ZFHX3: variants seen among roughly 807,000 people sequenced by gnomAD.
ZFHX3 encodes zinc finger homeobox 3, also known as zinc finger homeobox protein 3.
ZFHX3 carries 42 observed loss-of-function variants against 279.1 expected under a neutral mutation model. The observed-to-expected ratio is 0.15, with a 90% CI of 0.12 to 0.19. The LOEUF (loss-of-function observed/expected upper bound fraction) is 0.19. Among genes scored for constraint, ZFHX3 ranks in the 10% least tolerant of loss-of-function variants. The pLI, the probability that ZFHX3 is intolerant of heterozygous loss-of-function variation, is 1.00. For missense variants in ZFHX3, 4,981 were observed against 4,754.0 expected, an observed-to-expected ratio of 1.05 and a Z score of -1.40; for synonymous variants, 2,293 against 1,957.8, an observed-to-expected ratio of 1.17 and a Z score of -4.52.
At chr16:73,478,363 A>T (rs903022076) in intron 2 of ZFHX3, among the ~76,000 whole-genome samples, 3 of 151,902 alleles carry the variant, frequency 2.0e-5, no homozygotes, top group Admixed American at 1.3e-4. Context: ...TAAAAGTCTG[A>T]TGCTCTACCA....
chr16:73,730,960 C>T (rs1479991812), intron 1 of ZFHX3, among the ~76,000 whole-genome samples: 4 of 152,006 alleles, frequency 2.6e-5, no homozygotes, highest in Admixed American at 6.6e-5. Flanking sequence ...GAAAGACAGC[C>T]GAGGAGGAAG....
intron 1 of ZFHX3, among the ~76,000 whole-genome samples, chr16:72,965,827 TG>T (rs1470010878): frequency 6.6e-6 from 1 of 152,172 alleles, no homozygotes; most frequent in African/African-American, 2.4e-5. Context: ...TTCAAGTTGC[TG>T]GAAAAGAATT....
At chr16:73,633,492 G>A (rs916928333) in intron 2 of ZFHX3, among the ~76,000 whole-genome samples, 1 of 152,216 alleles carries the variant, frequency 6.6e-6, no homozygotes, top group Non-Finnish European at 1.5e-5. Flanking sequence ...GCAGGAAAGT[G>A]AGGGGGCAAT....
At chr16:73,395,778 G>A (rs2017115036) in intron 3 of ZFHX3, among the ~76,000 whole-genome samples, 1 of 152,058 alleles carries the variant, frequency 6.6e-6, no homozygotes, top group East Asian at 1.9e-4. Context: ...GCTTGGAACA[G>A]GGGCCCTGAT....
intron 1 of ZFHX3, among the ~76,000 whole-genome samples, chr16:72,974,666 C>A (rs1962269131): frequency 6.6e-6 from 1 of 152,030 alleles, no homozygotes; most frequent in South Asian, 2.1e-4. Flanking sequence ...GCATAAAGAG[C>A]TTTTCAAGCA....
intron 1 of ZFHX3, among the ~76,000 whole-genome samples, chr16:73,731,326 A>T (rs900602443): frequency 1.3e-5 from 2 of 152,188 alleles, no homozygotes; most frequent in Non-Finnish European, 2.9e-5. Context: ...AGTCAAAAGC[A>T]CTGTGTATGC....
intron 7 of ZFHX3, among the ~76,000 whole-genome samples, chr16:73,098,170 C>T (rs559490020): frequency 1.6e-4 from 24 of 148,806 alleles, no homozygotes; most frequent in Non-Finnish European, 2.8e-4. Flanking sequence ...TGGGTTCAAG[C>T]GATTCTCCTG....
chr16:73,497,901 T>G (rs913451381), intron 2 of ZFHX3, among the ~76,000 whole-genome samples: 3 of 152,224 alleles, frequency 2.0e-5, no homozygotes, highest in Non-Finnish European at 4.4e-5. Flanking sequence ...GAGCTTAAAT[T>G]GCTTATCCTA....
In ZFHX3 at chr16:73,754,778, A is replaced by T. The variant is rs934907345; in HGVS notation, c.-1607-74538T>A. Among the ~76,000 whole-genome samples, 15 of 152,196 alleles carry T rather than the reference A, an allele frequency of 9.9e-5. 1 individual carries two copies. The highest frequency in any genetic ancestry group is 3.6e-4 in the African/African-American group (15 of 41,442). ...ATGAAGAAAAAAAAAGGAGAGATTA[A>T]TGACAGAGGGTTTTTTAAAATGACA... is the stretch of plus-strand genomic sequence containing the variant. On this transcript the variant is annotated intron_variant, in intron 1 of 17. Coordinates refer to the ZFHX3 transcript ENST00000641206.
rs548459627 is a variant in ZFHX3 at position 73,168,619 on chromosome 16, C to A, written c.-1103-24788G>T. ...TTCTACTGAGCCCAAATTCTCTTCTCTCCATTCTCTCCAAACCCACATTGT... is the reference window on the plus strand; with the variant it reads ...TTCTACTGAGCCCAAATTCTCTTCTATCCATTCTCTCCAAACCCACATTGT... On this transcript the variant is annotated intron_variant, in intron 5 of 17. Coordinates refer to the ZFHX3 transcript ENST00000641206. Among the ~76,000 whole-genome samples, 18 of 152,276 alleles carry A rather than the reference C, an allele frequency of 1.2e-4. No individual in the cohort carries two copies. The South Asian group carries it at 3.7e-3, about 32-fold the overall frequency.
intron 2 of ZFHX3, among the ~76,000 whole-genome samples, chr16:73,621,830 G>A (rs2052366808): frequency 6.6e-6 from 1 of 152,118 alleles, no homozygotes; most frequent in Non-Finnish European, 1.5e-5. Flanking sequence ...AACAGCTTAG[G>A]AGTTTCAAAC....
Position 72,959,320 on chromosome 16 carries a change from C to T in ZFHX3, c.826G>A (p.Gly276Ser). ...LSKFDGFVLY[G>S]KRKPILMCFL... ...CACATCAGGATGGGCTTCCTCTTGC[C>T]ATAGAGCACAAAGCCATCGAATTTG... The change falls in exon 2 of 10, where the codon GGC becomes AGC. Residue 276 changes from glycine (G) to serine (S), a missense_variant. Gly to Ser is a moderately conservative substitution (Grantham distance 56, BLOSUM62 0). This residue lies in a region of ZFHX3 where 1,068 missense variants were observed against 935.2 expected (regional missense o/e 1.14). Coordinates refer to ENST00000268489, the MANE Select transcript of ZFHX3 (RefSeq NM_006885.4). 6.2e-7 allele frequency: 1 copy of T among 1,614,234 alleles called. No homozygotes were observed. The highest frequency in any genetic ancestry group is 8.5e-7 in the Non-Finnish European group (1 of 1,180,044).
chr16:73,168,603 G>C (rs574195001), intron 5 of ZFHX3, among the ~76,000 whole-genome samples: 2 of 152,132 alleles, frequency 1.3e-5, no homozygotes, highest in South Asian at 4.1e-4. Context: ...GTTCTACTGA[G>C]CCCAAATTCT....
chr16:73,718,370 C>T (rs1014704334), intron 1 of ZFHX3, among the ~76,000 whole-genome samples: 3 of 151,904 alleles, frequency 2.0e-5, no homozygotes, highest in Admixed American at 6.5e-5. Flanking sequence ...AAGATCTTGC[C>T]ATCACACTCC....
At position 72,950,532 on chromosome 16, in the gene ZFHX3, G is replaced by A; in HGVS notation, c.3153C>T (p.Ser1051=). Residue 1051 remains serine, a synonymous_variant, in exon 3 of 10, where the codon AGC becomes AGT. Coordinates refer to ENST00000268489, the MANE Select transcript of ZFHX3 (RefSeq NM_006885.4). The part of the protein sequence containing the change: ...KCNACDYYTN[S]LEKLRLHTVN... ...CCGTGTGCAGCCGCAGCTTCTCCAG[G>A]CTGTTGGTGTAGTAGTCACAGGCGT... is the stretch of plus-strand genomic sequence containing the variant. The A allele has an allele frequency of 6.2e-7, 1 of 1,614,252 alleles. No homozygotes were observed. Among genetic ancestry groups the A allele is most frequent in the Non-Finnish European group, 8.5e-7 (1 of 1,180,046 alleles).
chr16:73,308,252 TATATATATATATATATATATA>T (rs2015233436), intron 4 of ZFHX3, among the ~76,000 whole-genome samples: 1 of 36,860 alleles, frequency 2.7e-5, no homozygotes, highest in African/African-American at 6.4e-5. Context: ...TATATATATA[TATATATATATATATATATATA>T]TATATTTATT....
At chr16:73,345,898 C>T (rs927159045) in intron 3 of ZFHX3, among the ~76,000 whole-genome samples, 7 of 152,104 alleles carry the variant, frequency 4.6e-5, no homozygotes, top group Non-Finnish European at 8.8e-5. Context: ...AGATGGGTCC[C>T]TGACTCAGCT....
intron 4 of ZFHX3, among the ~76,000 whole-genome samples, chr16:73,267,409 G>A (rs529936402): frequency 1.2e-4 from 19 of 152,078 alleles, no homozygotes; most frequent in African/African-American, 2.2e-4. Flanking sequence ...CTTCCGACTC[G>A]GTTTGAAGAA....
chr16:73,356,016 C>T (rs931498119), intron 3 of ZFHX3, among the ~76,000 whole-genome samples: 9 of 152,214 alleles, frequency 5.9e-5, no homozygotes, highest in African/African-American at 2.2e-4. Context: ...CCACTGTACA[C>T]TTTCCATTCT....
Sources: gnomAD v4.1 joint callset for allele counts (sites outside exome capture counted in the v4.1 genomes callset) on GRCh38, gnomAD v4.1.1 for gene constraint, gnomAD v4.1.1 regional missense constraint, MANE v1.5 for transcripts, NCBI Gene and HGNC (gene_info 2026-07-23, HGNC 2026-07-21) for gene names.